Variants in CDK14 observed in about 807,000 individuals in gnomAD.
The protein encoded by CDK14 is cyclin-dependent kinase 14.
In CDK14, 34 loss-of-function variants were observed where a neutral mutation model predicts 60.7. That is an observed-to-expected ratio of 0.56 (90% CI 0.43 to 0.75). The LOEUF (loss-of-function observed/expected upper bound fraction) is 0.75, where lower values mean the gene tolerates loss of function less well. Among genes scored for constraint, CDK14 ranks in the 30% least tolerant of loss-of-function variants. The pLI is 0.00. For synonymous variants in CDK14, 197 were observed against 203.7 expected (o/e 0.97, Z 0.28); for missense variants, 482 against 564.1 (o/e 0.85, Z 1.47).
At chr7:90,923,153 G>T (rs1248518960) in intron 8 of CDK14, among the ~76,000 whole-genome samples, 1 of 140,930 alleles carries the variant, frequency 7.1e-6, no homozygotes, top group African/African-American at 2.7e-5. Context: ...CTGTCACCCA[G>T]GCTGGAGTGT....
chr7:90,889,945 G>T (rs1792061926), intron 6 of CDK14, among the ~76,000 whole-genome samples: 1 of 152,198 alleles, frequency 6.6e-6, no homozygotes, highest in African/African-American at 2.4e-5. Context: ...TAGAGAGACA[G>T]CACTTTTTTA....
chr7:90,886,591 G>A (rs774422407), intron 6 of CDK14, among the ~76,000 whole-genome samples: 13 of 152,196 alleles, frequency 8.5e-5, no homozygotes, highest in Non-Finnish European at 1.3e-4. Flanking sequence ...ATGGCAAATG[G>A]CACTAAGTCA....
intron 14 of CDK14, among the ~76,000 whole-genome samples, chr7:91,127,613 G>T (rs1799992473): frequency 6.6e-6 from 1 of 152,028 alleles, no homozygotes; most frequent in Non-Finnish European, 1.5e-5. Context: ...AAAAATGTAT[G>T]TACATTTTAG....
intron 5 of CDK14, among the ~76,000 whole-genome samples, chr7:90,801,083 C>G (rs1288297888): frequency 6.6e-6 from 1 of 152,210 alleles, no homozygotes; most frequent in Non-Finnish European, 1.5e-5. Context: ...AGGTCACCTT[C>G]TGAGGTTCTG....
chr7:90,673,671 C>T (rs920432258), intron 2 of CDK14, among the ~76,000 whole-genome samples: 1 of 152,202 alleles, frequency 6.6e-6, no homozygotes, highest in Non-Finnish European at 1.5e-5. Flanking sequence ...AATATTCCAA[C>T]ACACATCATT....
chr7:90,778,841 G>C (rs1006498179), intron 4 of CDK14, among the ~76,000 whole-genome samples: 1 of 135,542 alleles, frequency 7.4e-6, no homozygotes, highest in Non-Finnish European at 1.6e-5. Flanking sequence ...TGTAAAAATT[G>C]ACCGACCTTC....
intron 14 of CDK14, among the ~76,000 whole-genome samples, chr7:91,140,384 C>T (rs1179762431): frequency 2.0e-5 from 3 of 152,126 alleles, no homozygotes; most frequent in Non-Finnish European, 1.5e-5. Flanking sequence ...AACCTTATGT[C>T]GAACTCTTTT....
intron 5 of CDK14, among the ~76,000 whole-genome samples, chr7:90,843,810 G>A (rs1790377073): frequency 6.6e-6 from 1 of 152,120 alleles, no homozygotes; most frequent in South Asian, 2.1e-4. Flanking sequence ...CAATAGCCTG[G>A]AAGAAATTCA....
intron 10 of CDK14, among the ~76,000 whole-genome samples, chr7:91,037,432 T>C (rs902715531): frequency 3.9e-5 from 6 of 152,132 alleles, no homozygotes; most frequent in African/African-American, 1.4e-4. Context: ...TGCGCGCGCA[T>C]GTGTGTGTTG....
At chr7:90,879,962 C>T (rs1791691922) in intron 6 of CDK14, among the ~76,000 whole-genome samples, 1 of 152,190 alleles carries the variant, frequency 6.6e-6, no homozygotes, top group Non-Finnish European at 1.5e-5. Flanking sequence ...CTGTGCAACC[C>T]ACCAATCGGA....
chr7:90,670,206 T>C (rs1420927008), intron 2 of CDK14, among the ~76,000 whole-genome samples: 1 of 152,212 alleles, frequency 6.6e-6, no homozygotes, highest in East Asian at 1.9e-4. Context: ...TAGAACCTTA[T>C]TTTATTCAGT....
intron 5 of CDK14, among the ~76,000 whole-genome samples, chr7:90,811,399 A>G (rs1330763797): frequency 6.6e-5 from 10 of 152,100 alleles, no homozygotes. Flanking sequence ...GGTGCTGGGA[A>G]AACTGGCTAG....
intron 8 of CDK14, among the ~76,000 whole-genome samples, chr7:90,939,487 C>A (rs566288053): frequency 1.3e-5 from 2 of 152,174 alleles, no homozygotes; most frequent in Admixed American, 1.3e-4. Context: ...TGTCGGGTTG[C>A]GGACAGTAAG....
intron 5 of CDK14, among the ~76,000 whole-genome samples, chr7:90,832,135 C>G (rs1359069334): frequency 6.6e-6 from 1 of 152,130 alleles, no homozygotes; most frequent in African/African-American, 2.4e-5. Context: ...CACTCTATGG[C>G]CTCTTCACTG....
chr7:91,143,336 A>G (rs1800521667), intron 14 of CDK14, among the ~76,000 whole-genome samples: 1 of 152,244 alleles, frequency 6.6e-6, no homozygotes, highest in South Asian at 2.1e-4. Context: ...CAGAACAAGT[A>G]CAAGCTACTT....
intron 11 of CDK14, among the ~76,000 whole-genome samples, chr7:91,063,924 TATC>T (rs1797888225): frequency 1.3e-5 from 2 of 152,298 alleles, no homozygotes; most frequent in Admixed American, 1.3e-4. Flanking sequence ...GTCAGGGACT[TATC>T]AGCTCTTGAG....
At chr7:90,870,621 C>T (rs956268357) in intron 6 of CDK14, among the ~76,000 whole-genome samples, 1 of 152,226 alleles carries the variant, frequency 6.6e-6, no homozygotes, top group Non-Finnish European at 1.5e-5. Flanking sequence ...ACCTCATAAA[C>T]GTCCACTAGA....
At chr7:90,833,436 T>C (rs1789980633) in intron 5 of CDK14, among the ~76,000 whole-genome samples, 1 of 152,248 alleles carries the variant, frequency 6.6e-6, no homozygotes, top group Admixed American at 6.5e-5. Flanking sequence ...TTGATATGTT[T>C]TCCTGTTTGC....
intron 10 of CDK14, among the ~76,000 whole-genome samples, chr7:91,039,178 C>T (rs919428781): frequency 9.2e-5 from 14 of 152,132 alleles, no homozygotes; most frequent in Admixed American, 7.9e-4. Context: ...GCTGTCCCTT[C>T]ACCTCTTTTC....
Sources: gnomAD v4.1 joint callset for allele counts (sites outside exome capture counted in the v4.1 genomes callset) on GRCh38, gnomAD v4.1.1 for gene constraint, MANE v1.5 for transcripts, NCBI Gene and HGNC (gene_info 2026-07-23, HGNC 2026-07-21) for gene names.